The following FRMD4A variants were observed in gnomAD, a reference collection of about 807,000 sequenced individuals.
FRMD4A encodes FERM domain containing 4A, also known as FERM domain-containing protein 4A.
In FRMD4A, 29 loss-of-function variants were observed where a neutral mutation model predicts 129.1. That is an observed-to-expected ratio of 0.22 (90% CI 0.17 to 0.31). The LOEUF is 0.31. Among genes scored for constraint, FRMD4A ranks in the 10% least tolerant of loss-of-function variants. The probability of loss-of-function intolerance (pLI) is 1.00; values close to 1 mark genes in which losing one functional copy is unlikely to be tolerated. For synonymous variants in FRMD4A, 634 were observed against 571.6 expected (o/e 1.11, Z -1.56); for missense variants, 1,272 against 1,375.8 (o/e 0.92, Z 1.19).
chr10:13,866,720 G>C (rs2131067380), intron 2 of FRMD4A, among the ~76,000 whole-genome samples: 1 of 152,332 alleles, frequency 6.6e-6, no homozygotes, highest in Non-Finnish European at 1.5e-5. Context: ...AGCGCTTTGG[G>C]AGGCCGAGGT....
chr10:14,220,297 G>A (rs764032180), intron 2 of FRMD4A, among the ~76,000 whole-genome samples: 16 of 152,206 alleles, frequency 1.1e-4, no homozygotes, highest in Non-Finnish European at 2.1e-4. Context: ...GCCCCACTTC[G>A]GGAAACAGCT....
intron 2 of FRMD4A, among the ~76,000 whole-genome samples, chr10:14,036,706 C>T (rs1019671886): frequency 2.3e-4 from 35 of 152,104 alleles, no homozygotes; most frequent in African/African-American, 7.5e-4. Context: ...CCTCAGCCTC[C>T]CGAGTAGCTG....
rs138784758 is a variant in FRMD4A at position 13,660,132 on chromosome 10, A to G, written c.1898+184T>C. ...AGCCCCAATTTCTCTGAGTCACAAA[A>G]ATGTACCTCAACAGTGTCGGCAGCA... On this transcript the variant is annotated intron_variant, in intron 20 of 24. Transcript: ENST00000357447. Among the ~76,000 whole-genome samples, 109 of 152,296 alleles carry G rather than the reference A, an allele frequency of 7.2e-4. 1 individual carries two copies. The highest frequency in any genetic ancestry group is 2.6e-3 in the African/African-American group (107 of 41,558).
intron 2 of FRMD4A, among the ~76,000 whole-genome samples, chr10:13,975,044 C>T (rs569833429): frequency 5.0e-4 from 76 of 150,640 alleles, no homozygotes; most frequent in African/African-American, 1.5e-3. Context: ...TATGCATGTG[C>T]GTGTCTCTGA....
intron 2 of FRMD4A, among the ~76,000 whole-genome samples, chr10:13,947,027 G>A (rs4354606): frequency 0.17 from 25,907 of 152,086 alleles, 2,366 homozygotes; most frequent in Admixed American, 0.21. Flanking sequence ...GGAGATTGTT[G>A]TGGGTTATGT....
At chr10:14,304,167 T>C (rs1379505232) in intron 2 of FRMD4A, among the ~76,000 whole-genome samples, 1 of 152,236 alleles carries the variant, frequency 6.6e-6, no homozygotes, top group Non-Finnish European at 1.5e-5. Flanking sequence ...AATTGCTGGA[T>C]CGTATGGTAA....
intron 2 of FRMD4A, among the ~76,000 whole-genome samples, chr10:14,018,027 C>A (rs1256253124): frequency 6.6e-6 from 1 of 152,136 alleles, no homozygotes; most frequent in Non-Finnish European, 1.5e-5. Flanking sequence ...ACTGCTCTTG[C>A]TTGCTGGGGG....
At chr10:13,721,785 A>G (rs1205989823) in intron 12 of FRMD4A, among the ~76,000 whole-genome samples, 3 of 152,264 alleles carry the variant, frequency 2.0e-5, no homozygotes, top group Admixed American at 6.5e-5. Flanking sequence ...GAGTCTGGCC[A>G]GTGATCCATT....
chr10:13,864,645 G>A (rs1228777490), intron 2 of FRMD4A, among the ~76,000 whole-genome samples: 1 of 148,844 alleles, frequency 6.7e-6, no homozygotes, highest in Non-Finnish European at 1.5e-5. Context: ...GCACGATCAT[G>A]GCTCACTGCA....
intron 2 of FRMD4A, among the ~76,000 whole-genome samples, chr10:14,230,767 G>A (rs899615693): frequency 3.3e-5 from 5 of 152,102 alleles, no homozygotes; most frequent in African/African-American, 4.8e-5. Flanking sequence ...TAGCTTTTCC[G>A]TTGTCACCCT....
At chr10:14,296,331 G>A (rs1205124783) in intron 2 of FRMD4A, among the ~76,000 whole-genome samples, 1 of 152,190 alleles carries the variant, frequency 6.6e-6, no homozygotes, top group Non-Finnish European at 1.5e-5. Flanking sequence ...CTGAGATGTG[G>A]AGGGCAGAGT....
chr10:14,089,230 C>T (rs1013261589), intron 2 of FRMD4A, among the ~76,000 whole-genome samples: 21 of 152,182 alleles, frequency 1.4e-4, no homozygotes, highest in Admixed American at 1.4e-3. Flanking sequence ...AGGCCCCTGG[C>T]GCTGGTTCTC....
chr10:14,022,711 A>G (rs1196372976), intron 2 of FRMD4A, among the ~76,000 whole-genome samples: 1 of 152,078 alleles, frequency 6.6e-6, no homozygotes, highest in Non-Finnish European at 1.5e-5. Flanking sequence ...GTGATAAGTC[A>G]AAGATGCACA....
intron 18 of FRMD4A, among the ~76,000 whole-genome samples, chr10:13,663,857 G>A (rs1160710097): frequency 2.0e-5 from 3 of 152,212 alleles, no homozygotes; most frequent in Admixed American, 1.3e-4. Flanking sequence ...AACCCAGGGC[G>A]TGTACCAGCA....
intron 2 of FRMD4A, among the ~76,000 whole-genome samples, chr10:13,948,975 G>GCAAA (rs1056489937): frequency 1.3e-5 from 2 of 152,032 alleles, no homozygotes; most frequent in African/African-American, 4.8e-5. Context: ...AAGTTAAAAT[G>GCAAA]CAAACAATTT....
chr10:14,043,200 A>G (rs1279997711), intron 2 of FRMD4A, among the ~76,000 whole-genome samples: 1 of 152,320 alleles, frequency 6.6e-6, no homozygotes, highest in Non-Finnish European at 1.5e-5. Flanking sequence ...AAGTGTGCAC[A>G]TTTAACATTA....
chr10:14,012,741 C>A (rs1323394794), intron 2 of FRMD4A, among the ~76,000 whole-genome samples: 1 of 152,134 alleles, frequency 6.6e-6, no homozygotes, highest in Non-Finnish European at 1.5e-5. Flanking sequence ...CATTGCAGCC[C>A]AGGGTGATCC....
chr10:13,912,355 C>T (rs1021475958), intron 2 of FRMD4A, among the ~76,000 whole-genome samples: 1 of 152,042 alleles, frequency 6.6e-6, no homozygotes, highest in Non-Finnish European at 1.5e-5. Context: ...GACCATGTGA[C>T]CCATGCCTGG....
chr10:14,224,562 G>C (rs1195097914), intron 2 of FRMD4A, among the ~76,000 whole-genome samples: 1 of 152,116 alleles, frequency 6.6e-6, no homozygotes, highest in Non-Finnish European at 1.5e-5. Context: ...TTTGCACTTT[G>C]ATTAAATTTT....
Sources: allele counts gnomAD v4.1 joint callset (sites outside exome capture counted in the v4.1 genomes callset), GRCh38; gene constraint gnomAD v4.1.1; transcripts MANE v1.5; gene names NCBI Gene and HGNC (gene_info 2026-07-23, HGNC 2026-07-21).